Variants in ATP2B4 observed in about 807,000 individuals in gnomAD.
ATP2B4 encodes the protein plasma membrane calcium-transporting ATPase 4.
ATP2B4 carries 39 observed loss-of-function variants against 110.3 expected under a neutral mutation model. That is an observed-to-expected ratio of 0.35 (90% CI 0.27 to 0.46). The LOEUF (loss-of-function observed/expected upper bound fraction) is 0.46. Ranked by LOEUF, ATP2B4 falls within the 20% of genes least tolerant of loss-of-function variation. The pLI, the probability that ATP2B4 is intolerant of heterozygous loss-of-function variation, is 1.00. For missense variants in ATP2B4, 1,135 were observed against 1,530.9 expected, an observed-to-expected ratio of 0.74 and a Z score of 4.32; for synonymous variants, 538 against 571.7, an observed-to-expected ratio of 0.94 and a Z score of 0.84.
At chr1:203,692,869 CGTGCACCTCCCCAGCATGGG>C (rs998404733) in intron 2 of ATP2B4, among the ~76,000 whole-genome samples, 1 of 152,176 alleles carries the variant, frequency 6.6e-6, no homozygotes, top group African/African-American at 2.4e-5. Flanking sequence ...GGGCAGGGGC[CGTGCACCTCCCCAGCATGGG>C]GTGGGGGTGA....
At chr1:203,716,547 A>T (rs1239962183) in intron 15 of ATP2B4, among the ~76,000 whole-genome samples, 2 of 145,126 alleles carry the variant, frequency 1.4e-5, no homozygotes, top group Non-Finnish European at 1.5e-5. Context: ...GAGGGCAAGC[A>T]TTCTGAGAGC....
At chr1:203,723,420 A>ATCTCTCTCTCTCTCTCTCTC (rs34964110) in intron 18 of ATP2B4, among the ~76,000 whole-genome samples, 19 of 44,576 alleles carry the variant, frequency 4.3e-4, no homozygotes, top group Non-Finnish European at 7.1e-4. Flanking sequence ...TGAGACAGAT[A>ATCTCTCTCTCTCTCTCTCTC]TCTCTCTCTC....
rs1229397948 is a variant in ATP2B4, at chr1:203,712,155, G to A, written c.2211+16G>A. 1 of 1,612,002 alleles carries A rather than the reference G, an allele frequency of 6.2e-7. No individual in the cohort carries two copies. Among genetic ancestry groups the A allele is most frequent in the Non-Finnish European group, 8.5e-7 (1 of 1,178,944 alleles). On this transcript the variant is annotated intron_variant, in intron 13 of 20. Transcript: ENST00000357681. ...GAAAGGCGAGGTGGGTCCTGGCTAG[G>A]GGGAACCAGGACCTCACCTGACAAG...
chr1:203,720,409 C>A, intron 15 of ATP2B4, 140 bp from the exon 16 acceptor site: 1 of 776,956 alleles, frequency 1.3e-6, no homozygotes, highest in Non-Finnish European at 1.9e-6. Context: ...GTGACAGTGA[C>A]ACATTTGCTC....
intron 10 of ATP2B4, 76 bp from the exon 11 acceptor site, chr1:203,709,225 T>A: frequency 6.4e-7 from 1 of 1,569,994 alleles, no homozygotes; most frequent in Non-Finnish European, 8.7e-7. Context: ...GCTTTGTAAA[T>A]GAGTTCTTTC....
At chr1:203,712,796 G>A (rs1427950060) in intron 13 of ATP2B4, among the ~76,000 whole-genome samples, 3 of 152,018 alleles carry the variant, frequency 2.0e-5, no homozygotes, top group African/African-American at 4.8e-5. Flanking sequence ...TCTGGCGGTG[G>A]CACAGATCCA....
intron 1 of ATP2B4, among the ~76,000 whole-genome samples, chr1:203,627,824 C>T (rs1024048269): frequency 3.3e-5 from 5 of 152,118 alleles, no homozygotes; most frequent in Admixed American, 3.3e-4. Flanking sequence ...AATTAAATTT[C>T]TTTAGCTTTG....
At chr1:203,633,620 C>T (rs770042121) in intron 1 of ATP2B4, among the ~76,000 whole-genome samples, 6 of 151,492 alleles carry the variant, frequency 4.0e-5, no homozygotes, top group Non-Finnish European at 5.9e-5. Flanking sequence ...AAAAATTAGC[C>T]GGAAATCGAT....
At chr1:203,637,396 A>T (rs1341562412) in intron 1 of ATP2B4, among the ~76,000 whole-genome samples, 2 of 142,424 alleles carry the variant, frequency 1.4e-5, no homozygotes, top group East Asian at 4.1e-4. Context: ...AGATCGCACC[A>T]CTGCACTCCA....
chr1:203,722,764 C>T (rs1246224767), intron 18 of ATP2B4, 75 bp downstream of exon 18: 1 of 1,403,102 alleles, frequency 7.1e-7, no homozygotes, highest in African/African-American at 1.4e-5. Context: ...GGGTTCCCTA[C>T]ATACCTAGGA....
At chr1:203,724,434 G>A (rs537964787) in intron 19 of ATP2B4, among the ~76,000 whole-genome samples, 2 of 151,840 alleles carry the variant, frequency 1.3e-5, no homozygotes, top group African/African-American at 2.4e-5. Flanking sequence ...GGAGAATGGC[G>A]TGAACCTGGG....
chr1:203,700,648 C>A, intron 5 of ATP2B4, 150 bp from the exon 6 acceptor site: 1 of 1,165,096 alleles, frequency 8.6e-7, no homozygotes. Flanking sequence ...TTTAAATGCG[C>A]CCAGCTCTTG....
At chr1:203,714,958 A>G (rs1042343628) in intron 15 of ATP2B4, among the ~76,000 whole-genome samples, 6 of 152,194 alleles carry the variant, frequency 3.9e-5, no homozygotes, top group Admixed American at 3.3e-4. Context: ...TTTCAAGAAT[A>G]TGCAAAAATA....
intron 8 of ATP2B4, 73 bp from the exon 9 acceptor site, chr1:203,706,936 G>T: frequency 7.6e-7 from 1 of 1,311,766 alleles, no homozygotes; most frequent in Non-Finnish European, 1.1e-6. Flanking sequence ...TACAACTGAT[G>T]CCAATCTATC....
At chr1:203,650,384 G>T (rs1663943708) in intron 1 of ATP2B4, among the ~76,000 whole-genome samples, 1 of 152,194 alleles carries the variant, frequency 6.6e-6, no homozygotes, top group Non-Finnish European at 1.5e-5. Context: ...GACAGGACGA[G>T]GGTCCCTGGG....
At chr1:203,733,672 C>A in intron 20 of ATP2B4, 1 of 391,106 alleles carries the variant, frequency 2.6e-6, no homozygotes, top group Non-Finnish European at 4.5e-6. Context: ...CTCATTTCTT[C>A]CTTTTCTTGA....
intron 2 of ATP2B4, among the ~76,000 whole-genome samples, chr1:203,685,301 A>T (rs1221564714): frequency 2.0e-5 from 3 of 152,246 alleles, no homozygotes; most frequent in South Asian, 4.1e-4. Context: ...TTGCTTTTTC[A>T]CTTTAGTCTG....
intron 1 of ATP2B4, among the ~76,000 whole-genome samples, chr1:203,640,894 C>T (rs1351924842): frequency 1.3e-5 from 2 of 152,194 alleles, no homozygotes; most frequent in African/African-American, 4.8e-5. Context: ...GAAGTTTCAA[C>T]AGCATTTATT....
chr1:203,711,361 G>T (rs1666004240), intron 12 of ATP2B4, among the ~76,000 whole-genome samples: 1 of 152,122 alleles, frequency 6.6e-6, no homozygotes, highest in Admixed American at 6.6e-5. Flanking sequence ...TTGTCAGGAG[G>T]TCAATTTAGC....
Sources: gnomAD v4.1 joint callset for allele counts (sites outside exome capture counted in the v4.1 genomes callset) on GRCh38, gnomAD v4.1.1 for gene constraint, MANE v1.5 for transcripts, NCBI Gene and HGNC (gene_info 2026-07-23, HGNC 2026-07-21) for gene names.